Variants in GRID1 observed in about 807,000 individuals in gnomAD.
GRID1 encodes the protein glutamate receptor ionotropic, delta-1.
In GRID1, 28 loss-of-function variants were observed where a neutral mutation model predicts 98.0. The ratio of observed to expected loss-of-function variants is 0.29; its 90% CI spans 0.21 to 0.39. GRID1 has a LOEUF of 0.39. Ranked by LOEUF, GRID1 falls within the 10% of genes least tolerant of loss-of-function variation. The probability of loss-of-function intolerance (pLI) is 1.00; values close to 1 mark genes in which losing one functional copy is unlikely to be tolerated. For missense variants in GRID1, 1,111 were observed against 1,340.5 expected (o/e 0.83, Z 2.67); for synonymous variants, 553 against 538.5 (o/e 1.03, Z -0.37).
chr10:86,245,340 A>C (rs188999825), intron 2 of GRID1, among the ~76,000 whole-genome samples: 1 of 152,324 alleles, frequency 6.6e-6, no homozygotes, highest in East Asian at 1.9e-4. Context: ...ATGTCCCAGC[A>C]CCTACCCCTC....
intron 4 of GRID1, among the ~76,000 whole-genome samples, chr10:86,115,888 C>T (rs1844569354): frequency 6.6e-6 from 1 of 152,224 alleles, no homozygotes; most frequent in African/African-American, 2.4e-5. Context: ...GATTATATTG[C>T]TGAATTTTTA....
intron 4 of GRID1, among the ~76,000 whole-genome samples, chr10:85,933,285 TAAAAAAAAAAAAAAAA>T (rs59704249): frequency 0.011 from 1,299 of 120,492 alleles, 43 homozygotes; most frequent in East Asian, 0.018. Flanking sequence ...CTCTGTTCTT[TAAAAAAAAAAAAAAAA>T]AAAAAAAAAA....
At chr10:86,026,203 C>T (rs1843114781) in intron 4 of GRID1, among the ~76,000 whole-genome samples, 1 of 152,198 alleles carries the variant, frequency 6.6e-6, no homozygotes, top group African/African-American at 2.4e-5. Flanking sequence ...CGCCACACCA[C>T]AAACTATTTG....
At chr10:86,179,122 A>C (rs1053924275) in intron 3 of GRID1, among the ~76,000 whole-genome samples, 3 of 151,998 alleles carry the variant, frequency 2.0e-5, no homozygotes, top group African/African-American at 7.3e-5. Flanking sequence ...GAAGGGAGAA[A>C]TCCCCCCAAG....
intron 4 of GRID1, among the ~76,000 whole-genome samples, chr10:85,948,033 T>C (rs1217630435): frequency 6.6e-6 from 1 of 152,162 alleles, no homozygotes; most frequent in Non-Finnish European, 1.5e-5. Flanking sequence ...CTAAAAGCAA[T>C]GTGGTATCTT....
chr10:85,758,389 G>A (rs1842118327), intron 8 of GRID1, among the ~76,000 whole-genome samples: 1 of 152,164 alleles, frequency 6.6e-6, no homozygotes, highest in Admixed American at 6.5e-5. Context: ...TTCTTTCCAA[G>A]TTGACTTCAC....
intron 4 of GRID1, among the ~76,000 whole-genome samples, chr10:86,041,614 G>C (rs761406291): frequency 6.6e-6 from 1 of 152,188 alleles, no homozygotes; most frequent in Non-Finnish European, 1.5e-5. Context: ...TCAAAGCCCA[G>C]TACCCCATCA....
chr10:85,888,649 T>G (rs1841151580), intron 5 of GRID1, among the ~76,000 whole-genome samples: 1 of 152,210 alleles, frequency 6.6e-6, no homozygotes, highest in African/African-American at 2.4e-5. Context: ...GTGATGGACG[T>G]GTTTAGGTGG....
rs1001345536 is a variant in GRID1, at chr10:86,087,471, C to T, written c.726+51348G>A. 6.4e-5 allele frequency among the ~76,000 whole-genome samples: 9 copies of T among 140,520 alleles called. 1 individual carries two copies. In the Middle Eastern group the frequency reaches 0.019, roughly 300 times the overall value. 92.2% of individuals were successfully genotyped at this position (140,520 alleles called of 152,430 possible). On this transcript the variant is annotated intron_variant, in intron 4 of 15. Transcript: ENST00000327946. Reference sequence around the variant, plus strand: ...TAGGTTGTTCCTGAGACTGTTTATACCTGTGTCTCTACAAGAAGATCCAAG... The same window carrying T: ...TAGGTTGTTCCTGAGACTGTTTATATCTGTGTCTCTACAAGAAGATCCAAG...
chr10:85,727,864 G>C lies in GRID1; in HGVS notation c.1524C>G (p.Leu508=). The part of the protein sequence containing the change: ...NTSWNGMIGE[L]ISKRADLAIS... ...TGCTATGGGGACCTACCTTGCTGAT[G>C]AGCTCCCCGATCATCCCGTTCCAGG... The change falls in exon 10 of 16, where the codon CTC becomes CTG. Residue 508 remains leucine, a synonymous_variant. Coordinates refer to ENST00000327946, the MANE Select transcript of GRID1 (RefSeq NM_017551.3). The C allele has an allele frequency of 6.2e-7, 1 of 1,612,598 alleles. No homozygotes were observed. The highest frequency in any genetic ancestry group is 8.5e-7 in the Non-Finnish European group (1 of 1,179,098).
chr10:86,199,487 C>T (rs1589407795), intron 3 of GRID1, among the ~76,000 whole-genome samples: 5 of 152,290 alleles, frequency 3.3e-5, no homozygotes, highest in South Asian at 4.1e-4. Flanking sequence ...AGGCTGTGAA[C>T]AGAGCTGTGG....
intron 4 of GRID1, among the ~76,000 whole-genome samples, chr10:86,065,854 A>G (rs965046265): frequency 2.0e-5 from 3 of 152,242 alleles, no homozygotes; most frequent in Non-Finnish European, 2.9e-5. Flanking sequence ...TAATCACTCA[A>G]GATCCTTCTA....
At chr10:85,823,198 A>G (rs1319483898) in intron 8 of GRID1, among the ~76,000 whole-genome samples, 3 of 152,216 alleles carry the variant, frequency 2.0e-5, no homozygotes, top group Non-Finnish European at 2.9e-5. Context: ...AAAAAAAGAA[A>G]AAAAAAGTAC....
chr10:86,078,638 C>T (rs974051064), intron 4 of GRID1, among the ~76,000 whole-genome samples: 9 of 152,270 alleles, frequency 5.9e-5, no homozygotes, highest in Admixed American at 5.9e-4. Context: ...TGGGAACACA[C>T]AGCCCTGCCT....
chr10:85,955,029 A>C (rs1008868623), intron 4 of GRID1, among the ~76,000 whole-genome samples: 2 of 152,216 alleles, frequency 1.3e-5, no homozygotes, highest in African/African-American at 4.8e-5. Flanking sequence ...CAAAAATACA[A>C]AAAACATGCC....
At chr10:85,926,563 C>T (rs1035032781) in intron 4 of GRID1, among the ~76,000 whole-genome samples, 5 of 152,078 alleles carry the variant, frequency 3.3e-5, no homozygotes, top group Admixed American at 2.6e-4. Flanking sequence ...GCATTTGGCC[C>T]TTATAGAAGG....
At chr10:85,663,982 C>A (rs1015912461) in intron 12 of GRID1, among the ~76,000 whole-genome samples, 6 of 152,238 alleles carry the variant, frequency 3.9e-5, no homozygotes, top group Admixed American at 2.6e-4. Flanking sequence ...AGACACCTCC[C>A]AGAGTATAAA....
Position 86,138,806 on chromosome 10 carries a change from C to T in GRID1, c.726+13G>A, listed in dbSNP as rs779136787. Reference sequence around the variant, plus strand: ...GCACCAGGCCCCTGAGGCCTCAGGCCCCCATGACCTACCTCGTTGATGAAG... The same window carrying T: ...GCACCAGGCCCCTGAGGCCTCAGGCTCCCATGACCTACCTCGTTGATGAAG... On this transcript the variant is annotated intron_variant, in intron 4 of 15. Coordinates refer to ENST00000327946, the MANE Select transcript of GRID1 (RefSeq NM_017551.3). 1 of 1,610,610 alleles carries T rather than the reference C, an allele frequency of 6.2e-7. No individual in the cohort carries two copies. Among genetic ancestry groups the T allele is most frequent in the East Asian group, 2.2e-5 (1 of 44,872 alleles).
intron 13 of GRID1, among the ~76,000 whole-genome samples, chr10:85,624,827 C>T (rs1438131948): frequency 6.6e-6 from 1 of 151,934 alleles, no homozygotes; most frequent in South Asian, 2.1e-4. Flanking sequence ...GAAAAAGTAA[C>T]CTAAATATAT....
Sources: allele counts gnomAD v4.1 joint callset (sites outside exome capture counted in the v4.1 genomes callset), GRCh38; gene constraint gnomAD v4.1.1; transcripts MANE v1.5; gene names NCBI Gene and HGNC (gene_info 2026-07-23, HGNC 2026-07-21).